Variants in AKAP12 observed in about 807,000 individuals in gnomAD.
The protein encoded by AKAP12 is A-kinase anchor protein 12.
AKAP12 carries 32 observed loss-of-function variants against 79.9 expected under a neutral mutation model. The observed-to-expected ratio is 0.40, with a 90% CI of 0.30 to 0.54. The LOEUF (loss-of-function observed/expected upper bound fraction) is 0.54. Among genes scored for constraint, AKAP12 ranks in the 20% least tolerant of loss-of-function variants. The probability of loss-of-function intolerance (pLI) is 0.48; values close to 1 mark genes in which losing one functional copy is unlikely to be tolerated. For synonymous variants in AKAP12, 808 were observed against 857.0 expected (o/e 0.94, Z 1.00); for missense variants, 2,074 against 2,177.0 (o/e 0.95, Z 0.94).
rs953340718 is a variant in AKAP12, at chr6:151,337,912, C to G, written c.320-10799C>G. ...CTAGCCAGGAGTTGGTGGCTCACAC[C>G]TGTAGTCCCAGCTACTCGGGAGGCT... On this transcript the variant is annotated intron_variant, in intron 3 of 4. Coordinates refer to ENST00000402676, the MANE Select transcript of AKAP12 (RefSeq NM_005100.4). Among the ~76,000 whole-genome samples, 3 of 152,308 alleles carry G rather than the reference C, an allele frequency of 2.0e-5. No individual in the cohort carries two copies. In the South Asian group the frequency reaches 6.2e-4, roughly 32 times the overall value.
intron 2 of AKAP12, among the ~76,000 whole-genome samples, chr6:151,244,864 T>C (rs1797040221): frequency 6.6e-6 from 1 of 152,238 alleles, no homozygotes; most frequent in South Asian, 2.1e-4. Context: ...ACCGATAGAC[T>C]GCAGGAATCG....
At chr6:151,240,819 T>C in intron 2 of AKAP12, 95 bp downstream of exon 2, 2 of 980,648 alleles carry the variant, frequency 2.0e-6, no homozygotes, top group Non-Finnish European at 2.6e-6. Flanking sequence ...CCGAGAGAAC[T>C]TCCCAGCCCA....
chr6:151,253,860 C>A (rs1797238912), intron 2 of AKAP12, among the ~76,000 whole-genome samples: 1 of 152,076 alleles, frequency 6.6e-6, no homozygotes, highest in Non-Finnish European at 1.5e-5. Context: ...GTGTGAGCCA[C>A]CACACCTGGC....
chr6:151,310,329 A>T (rs1449874297), intron 3 of AKAP12, among the ~76,000 whole-genome samples: 3 of 152,018 alleles, frequency 2.0e-5, no homozygotes, highest in Admixed American at 2.0e-4. Context: ...ACGCCACTGC[A>T]CTCCAGCCTG....
chr6:151,260,149 G>A (rs1797395585), intron 2 of AKAP12, among the ~76,000 whole-genome samples: 1 of 152,170 alleles, frequency 6.6e-6, no homozygotes, highest in African/African-American at 2.4e-5. Context: ...TTGGGTTTGA[G>A]TGCTTATTAG....
In AKAP12 at chr6:151,351,893, G is replaced by C. The variant is rs1485145603; in HGVS notation, c.3502G>C (p.Asp1168His). ...CCCTGACTCGGTGGAAACCCCTACA[G>C]ACAGTGAGACTGATGGAAGCACCCC... Reference protein sequence around the residue: ...IPPDSVETPTDSETDGSTPVA... With the variant: ...IPPDSVETPTHSETDGSTPVA... The change falls in exon 4 of 5, where the codon GAC becomes CAC. Residue 1168 changes from aspartate to histidine, a missense_variant. Physicochemically the swap from Asp to His is moderately conservative, Grantham distance 81 (BLOSUM62 -1). Coordinates refer to ENST00000402676, the MANE Select transcript of AKAP12 (RefSeq NM_005100.4). This position sits in a 1 kb window ranked among gnomAD's most constrained non-coding sequence, Gnocchi z 4.4. 1.4e-5 allele frequency: 22 copies of C among 1,614,028 alleles called. No individual in the cohort carries two copies. The highest frequency in any genetic ancestry group is 1.7e-5 in the Non-Finnish European group (20 of 1,180,030).
At chr6:151,273,385 T>C (rs1776229190) in intron 2 of AKAP12, among the ~76,000 whole-genome samples, 1 of 152,200 alleles carries the variant, frequency 6.6e-6, no homozygotes, top group South Asian at 2.1e-4. Flanking sequence ...CCCTGTGGGG[T>C]ACTATGGTAG....
chr6:151,281,987 C>G (rs1034587447), intron 2 of AKAP12, among the ~76,000 whole-genome samples: 2 of 151,888 alleles, frequency 1.3e-5, no homozygotes, highest in Non-Finnish European at 2.9e-5. Context: ...CGTGACCCAC[C>G]AAGTGCAGTC....
Position 151,348,739 on chromosome 6 carries a change from CA to C in AKAP12, c.352del (p.Arg118GlufsTer28). 1 of 1,436,988 alleles carries C rather than the reference CA, an allele frequency of 7.0e-7. No homozygotes were observed. Among genetic ancestry groups the C allele is most frequent in the Non-Finnish European group, 9.3e-7 (1 of 1,079,388 alleles). The allele number at this position is 1,436,988 out of a possible 1,614,324, so 89.0% of individuals were successfully genotyped here. On this transcript the variant is annotated frameshift_variant, in exon 4 of 5. Coordinates refer to ENST00000402676, the MANE Select transcript of AKAP12 (RefSeq NM_005100.4). LOFTEE classifies it high-confidence loss of function. ...VGQRDSEDVS[K>X]RDSDKEMATK... ...GACAGAGAGACTCTGAAGATGTGAG[CA>C]AAAGAGACTCCGATAAAGAGATGGC...
At chr6:151,289,276 T>C (rs1411340985) in intron 2 of AKAP12, among the ~76,000 whole-genome samples, 1 of 152,104 alleles carries the variant, frequency 6.6e-6, no homozygotes, top group African/African-American at 2.4e-5. Context: ...CCACCCCTAA[T>C]GTTGAGAGAG....
chr6:151,340,905 A>G (rs1199021530), intron 3 of AKAP12, among the ~76,000 whole-genome samples: 1 of 152,190 alleles, frequency 6.6e-6, no homozygotes, highest in African/African-American at 2.4e-5. Context: ...AGCTGCAAAG[A>G]TGAATTCTTG....
intron 2 of AKAP12, among the ~76,000 whole-genome samples, chr6:151,294,122 T>C (rs2114740298): frequency 6.6e-6 from 1 of 151,968 alleles, no homozygotes; most frequent in South Asian, 2.1e-4. Context: ...TACAGGCGAG[T>C]GCCACCATGC....
At position 151,326,472 on chromosome 6, in the gene AKAP12, A is replaced by G. The variant is rs1427394265; in HGVS notation, c.319+20569A>G. ...AAATCGGTGGCTAGGAAGCAACACT[A>G]TTTAGGCAACAAATAGTAAAAAAAA... On this transcript the variant is annotated intron_variant, in intron 3 of 4. Coordinates refer to ENST00000402676, the MANE Select transcript of AKAP12 (RefSeq NM_005100.4). Among the ~76,000 whole-genome samples, 5 of 149,100 alleles carry G rather than the reference A, an allele frequency of 3.4e-5. No individual in the cohort carries two copies. The East Asian group carries it at 1.0e-3, about 30-fold the overall frequency.
intron 2 of AKAP12, among the ~76,000 whole-genome samples, chr6:151,288,627 G>A (rs953627777): frequency 2.0e-5 from 3 of 152,188 alleles, no homozygotes; most frequent in African/African-American, 4.8e-5. Flanking sequence ...GAGAGCCCCT[G>A]AAGTATTTAA....
chr6:151,274,529 T>A lies in AKAP12; in HGVS notation c.163-31218T>A, dbSNP rs1007244577. On this transcript the variant is annotated intron_variant, in intron 2 of 4. Transcript: ENST00000402676. ...GTTGGGAATGTTTTCCTGAAGAAAG[T>A]CATGAATTAAATCATGCAAAAAAGT... 7.2e-5 allele frequency among the ~76,000 whole-genome samples: 11 copies of A among 152,294 alleles called. No homozygotes were observed. In the South Asian group the frequency reaches 1.9e-3, roughly 26 times the overall value.
At chr6:151,294,712 A>G (rs1776688468) in intron 2 of AKAP12, among the ~76,000 whole-genome samples, 1 of 152,210 alleles carries the variant, frequency 6.6e-6, no homozygotes, top group Non-Finnish European at 1.5e-5. Flanking sequence ...ACCTAACCAG[A>G]TTTAGAGTGC....
chr6:151,319,521 TATATAG>T (rs1283243560), intron 3 of AKAP12: 11 of 81,356 alleles, frequency 1.4e-4, no homozygotes, highest in East Asian at 9.6e-4. Flanking sequence ...GATATATCTC[TATATAG>T]ATATATATAT....
chr6:151,333,330 G>A (rs1201569006), intron 3 of AKAP12, among the ~76,000 whole-genome samples: 3 of 152,100 alleles, frequency 2.0e-5, no homozygotes, highest in Non-Finnish European at 4.4e-5. Flanking sequence ...CCTCTGGTCT[G>A]AGCCTCTCCT....
intron 2 of AKAP12, among the ~76,000 whole-genome samples, chr6:151,304,024 CATT>C (rs1776921213): frequency 6.6e-6 from 1 of 152,002 alleles, no homozygotes; most frequent in South Asian, 2.1e-4. Flanking sequence ...GTCCCGGTGT[CATT>C]ATTATAAAAT....
Sources: gnomAD v4.1 joint callset for allele counts (sites outside exome capture counted in the v4.1 genomes callset) on GRCh38, gnomAD v4.1.1 for gene constraint, Gnocchi (gnomAD v3.1) non-coding constraint, MANE v1.5 for transcripts, NCBI Gene and HGNC (gene_info 2026-07-23, HGNC 2026-07-21) for gene names.